KIAA1958: variants seen among roughly 807,000 people sequenced by gnomAD.
KIAA1958 encodes the protein uncharacterized protein KIAA1958.
In KIAA1958, 14 loss-of-function variants were observed where a neutral mutation model predicts 47.2. That is an observed-to-expected ratio of 0.30 (90% confidence interval 0.20 to 0.46). The LOEUF (loss-of-function observed/expected upper bound fraction) is 0.46. KIAA1958 is among the 20% of genes least tolerant of loss of function. KIAA1958 has a pLI of 1.00. For synonymous variants in KIAA1958, 354 were observed against 353.3 expected (o/e 1.00, Z -0.02); for missense variants, 803 against 909.2 (o/e 0.88, Z 1.50).
intron 1 of KIAA1958, among the ~76,000 whole-genome samples, chr9:112,487,891 T>TA (rs1465215214): frequency 3.3e-5 from 5 of 151,474 alleles, no homozygotes; most frequent in East Asian, 3.9e-4. Context: ...ATTGGGACTT[T>TA]AAAAAAAATG....
intron 1 of KIAA1958, among the ~76,000 whole-genome samples, chr9:112,541,555 G>T (rs1834944251): frequency 6.6e-6 from 1 of 152,142 alleles, no homozygotes; most frequent in African/African-American, 2.4e-5. Context: ...TGTAATCCCA[G>T]CACTTTGGGA....
chr9:112,597,348 A>G (rs544631546), intron 2 of KIAA1958, among the ~76,000 whole-genome samples: 16 of 152,322 alleles, frequency 1.1e-4, no homozygotes, highest in Admixed American at 2.6e-4. Context: ...AATTAACTCC[A>G]TTTCACAGAT....
intron 1 of KIAA1958, among the ~76,000 whole-genome samples, chr9:112,528,007 T>G (rs1433349210): frequency 6.6e-6 from 1 of 151,806 alleles, no homozygotes; most frequent in Admixed American, 6.6e-5. Flanking sequence ...AGTTGCCAAA[T>G]CTGCCGATAT....
At chr9:112,551,948 C>A (rs771599113) in intron 1 of KIAA1958, among the ~76,000 whole-genome samples, 6 of 152,164 alleles carry the variant, frequency 3.9e-5, no homozygotes, top group Admixed American at 6.5e-5. Context: ...GTTTATAGTT[C>A]CAGTTTATGT....
At chr9:112,529,182 C>T (rs1588003616) in intron 1 of KIAA1958, among the ~76,000 whole-genome samples, 1 of 152,172 alleles carries the variant, frequency 6.6e-6, no homozygotes, top group East Asian at 1.9e-4. Flanking sequence ...CCTATATCTA[C>T]ATGTCTATTT....
At chr9:112,554,015 G>A (rs2132841639) in intron 1 of KIAA1958, among the ~76,000 whole-genome samples, 1 of 152,264 alleles carries the variant, frequency 6.6e-6, no homozygotes, top group East Asian at 1.9e-4. Flanking sequence ...AGAGAGGTAG[G>A]AAATAGATGG....
chr9:112,502,153 A>G lies in KIAA1958; in HGVS notation c.-25+15035A>G, dbSNP rs553022301. On this transcript the variant is annotated intron_variant, in intron 1 of 3. Transcript: ENST00000337530. Reference sequence around the variant, plus strand: ...TATGTATTGCTGATGGGAATATGACATCTTTGTTTTCTTATAAAACTTTGA... The same window carrying G: ...TATGTATTGCTGATGGGAATATGACGTCTTTGTTTTCTTATAAAACTTTGA... 1.5e-4 allele frequency among the ~76,000 whole-genome samples: 23 copies of G among 152,332 alleles called. No homozygotes were observed. In the South Asian group the frequency reaches 4.1e-3, roughly 27 times the overall value.
At chr9:112,620,815 A>T (rs1231187673) in intron 2 of KIAA1958, among the ~76,000 whole-genome samples, 1 of 152,166 alleles carries the variant, frequency 6.6e-6, no homozygotes, top group African/African-American at 2.4e-5. Context: ...AAAAAATAGG[A>T]AAACACAGAT....
At chr9:112,582,400 A>T (rs561364050) in intron 2 of KIAA1958, 8 of 152,592 alleles carry the variant, frequency 5.2e-5, no homozygotes, top group African/African-American at 1.2e-4. Context: ...AATTAAAAAA[A>T]TTTTTAAAGA....
chr9:112,606,656 T>C (rs1031919955), intron 2 of KIAA1958, among the ~76,000 whole-genome samples: 3 of 152,218 alleles, frequency 2.0e-5, no homozygotes, highest in Non-Finnish European at 2.9e-5. Context: ...AACAGCTATT[T>C]AGAGTTCAAG....
intron 2 of KIAA1958, among the ~76,000 whole-genome samples, chr9:112,595,242 G>A (rs1366966848): frequency 6.6e-6 from 1 of 152,212 alleles, no homozygotes; most frequent in South Asian, 2.1e-4. Context: ...ATAATGAAGT[G>A]ACGAAGCTAT....
chr9:112,581,893 C>A, intron 2 of KIAA1958: 1 of 231,042 alleles, frequency 4.3e-6, no homozygotes, highest in South Asian at 7.1e-5. Context: ...TGAGATCAGA[C>A]CAGACTCAAC....
At position 112,537,272 on chromosome 9, in the gene KIAA1958, A is replaced by AT. The variant is rs1450786263; in HGVS notation, c.-24-36779dup. On this transcript the variant is annotated intron_variant, in intron 1 of 3. Coordinates refer to ENST00000337530, the MANE Select transcript of KIAA1958 (RefSeq NM_133465.4). ...AGGCACAAGCCACCACACCCGATTA[A>AT]TTTTTTATATGTTTAGTAGAGGCGG... Among the ~76,000 whole-genome samples, 428 of 152,058 alleles carry AT rather than the reference A, an allele frequency of 2.8e-3. 2 individuals are homozygous for AT. Among genetic ancestry groups the AT allele is most frequent in the African/African-American group, 9.7e-3 (403 of 41,498 alleles).
rs943319934 is a variant in KIAA1958, at chr9:112,554,869, A to G, written c.-24-19188A>G. ...TTGGAGCCACTGTTACAGTGTGTGC[A>G]TTGGCTCCTAGTCAGCTGAGCCCAG... On this transcript the variant is annotated intron_variant, in intron 1 of 3. Transcript: ENST00000337530. Among the ~76,000 whole-genome samples, 47 of 152,210 alleles carry G rather than the reference A, an allele frequency of 3.1e-4. 1 individual carries two copies. The highest frequency in any genetic ancestry group is 1.1e-3 in the African/African-American group (45 of 41,456).
At chr9:112,525,797 T>C (rs1316092599) in intron 1 of KIAA1958, among the ~76,000 whole-genome samples, 7 of 151,216 alleles carry the variant, frequency 4.6e-5, no homozygotes, top group Non-Finnish European at 1.0e-4. Flanking sequence ...AACCAAAATA[T>C]GAACAGACCC....
intron 2 of KIAA1958, among the ~76,000 whole-genome samples, chr9:112,589,465 G>A (rs1835882557): frequency 6.6e-6 from 1 of 152,200 alleles, no homozygotes; most frequent in Non-Finnish European, 1.5e-5. Context: ...GGTGGCATGT[G>A]CCTGTAATCC....
chr9:112,597,996 C>G (rs1193968911), intron 2 of KIAA1958, among the ~76,000 whole-genome samples: 1 of 152,130 alleles, frequency 6.6e-6, no homozygotes, highest in African/African-American at 2.4e-5. Context: ...ACAGAGCTTA[C>G]TTAATGTTAT....
intron 1 of KIAA1958, among the ~76,000 whole-genome samples, chr9:112,509,773 G>A (rs1386942323): frequency 6.6e-6 from 1 of 152,200 alleles, no homozygotes. Context: ...TGTTTTTGGT[G>A]AATGAAGGCT....
chr9:112,531,359 G>C (rs1834749320), intron 1 of KIAA1958, among the ~76,000 whole-genome samples: 1 of 152,168 alleles, frequency 6.6e-6, no homozygotes, highest in South Asian at 2.1e-4. Flanking sequence ...TTGCACTCCA[G>C]CCTGGGCAAC....
Sources: gnomAD v4.1 joint callset for allele counts (sites outside exome capture counted in the v4.1 genomes callset) on GRCh38, gnomAD v4.1.1 for gene constraint, MANE v1.5 for transcripts, NCBI Gene and HGNC (gene_info 2026-07-23, HGNC 2026-07-21) for gene names.